The following MS4A4E variants were observed in gnomAD, a reference collection of about 807,000 sequenced individuals.
MS4A4E encodes membrane spanning 4-domains A4E.
A neutral mutation model predicts 13.3 loss-of-function variants in MS4A4E; 23 were observed. The ratio of observed to expected loss-of-function variants is 1.73; its 90% CI spans 1.25 to 2.45. MS4A4E has a LOEUF of 2.45. MS4A4E is among the 30% of genes most tolerant of loss of function. The probability of loss-of-function intolerance (pLI) is 0.00; values close to 1 mark genes in which losing one functional copy is unlikely to be tolerated. For missense variants in MS4A4E, 144 were observed against 131.2 expected (o/e 1.10, Z -0.48); for synonymous variants, 36 against 45.6 (o/e 0.79, Z 0.85).
chr11:60,216,766 A>C (rs2084200039), intron 3 of MS4A4E, among the ~76,000 whole-genome samples: 1 of 152,116 alleles, frequency 6.6e-6, no homozygotes, highest in Non-Finnish European at 1.5e-5. Context: ...GTGTTGACAA[A>C]GGAGATTAAC....
At chr11:60,224,390 ATC>A (rs1040989665) in intron 3 of MS4A4E, among the ~76,000 whole-genome samples, 1 of 152,198 alleles carries the variant, frequency 6.6e-6, no homozygotes, top group Admixed American at 6.5e-5. Flanking sequence ...TACCAGCCAC[ATC>A]TCTTTTTCCT....
chr11:60,218,468 C>T (rs927862151), intron 3 of MS4A4E, among the ~76,000 whole-genome samples: 8 of 152,138 alleles, frequency 5.3e-5, no homozygotes, highest in East Asian at 1.9e-4. Flanking sequence ...TGGGGTGTCA[C>T]GGAACCTATC....
intron 5 of MS4A4E, among the ~76,000 whole-genome samples, chr11:60,212,376 C>T (rs1389496416): frequency 6.7e-6 from 1 of 148,558 alleles, no homozygotes; most frequent in Non-Finnish European, 1.5e-5. Flanking sequence ...GTGGCACTAT[C>T]TCGGCTCACT....
intron 2 of MS4A4E, among the ~76,000 whole-genome samples, chr11:60,229,048 G>T (rs2084376577): frequency 6.6e-6 from 1 of 152,206 alleles, no homozygotes; most frequent in Non-Finnish European, 1.5e-5. Context: ...GAGTAATGAT[G>T]TGTCAACATA....
chr11:60,235,295 G>A (rs2134970630), intron 1 of MS4A4E, among the ~76,000 whole-genome samples: 1 of 152,284 alleles, frequency 6.6e-6, no homozygotes, highest in South Asian at 2.1e-4. Context: ...GTTTTGCCAT[G>A]TTGCCCAGGC....
chr11:60,233,670 G>A (rs971346471), intron 1 of MS4A4E, among the ~76,000 whole-genome samples: 2 of 152,224 alleles, frequency 1.3e-5, no homozygotes, highest in African/African-American at 2.4e-5. Context: ...GTAGGGGCAT[G>A]GCTTTCTCCA....
chr11:60,205,352 G>T (rs1225551966), intron 7 of MS4A4E, among the ~76,000 whole-genome samples: 1 of 152,034 alleles, frequency 6.6e-6, no homozygotes, highest in Admixed American at 6.6e-5. Context: ...CTTATTCACC[G>T]CTATTTTCTT....
chr11:60,207,983 G>T (rs186976384), intron 6 of MS4A4E, among the ~76,000 whole-genome samples: 8 of 152,228 alleles, frequency 5.3e-5, no homozygotes, highest in Non-Finnish European at 1.0e-4. Flanking sequence ...GTACTTTTGG[G>T]GACCTCTTCA....
At chr11:60,214,007 C>G (rs1252532048) in intron 4 of MS4A4E, among the ~76,000 whole-genome samples, 1 of 151,962 alleles carries the variant, frequency 6.6e-6, no homozygotes, top group Non-Finnish European at 1.5e-5. Context: ...AGGGTTCAAG[C>G]AATTCTCCTG....
At chr11:60,229,588 C>A (rs1481041060) in intron 2 of MS4A4E, among the ~76,000 whole-genome samples, 2 of 152,108 alleles carry the variant, frequency 1.3e-5, no homozygotes, top group African/African-American at 4.8e-5. Flanking sequence ...TCAGGAAGGC[C>A]TGTGGAGGGG....
chr11:60,221,394 C>T (rs992763681), intron 3 of MS4A4E, among the ~76,000 whole-genome samples: 7 of 152,194 alleles, frequency 4.6e-5, no homozygotes, highest in Non-Finnish European at 8.8e-5. Flanking sequence ...ATTCCTGCCA[C>T]ACTGCCTTCT....
rs2083972332 is a variant in MS4A4E at position 60,200,337 on chromosome 11, G to C, written c.*1206C>G. On this transcript the variant is annotated 3_prime_UTR_variant, in exon 9 of 9. Coordinates refer to ENST00000651255, the MANE Select transcript of MS4A4E (RefSeq NM_001393391.1). Reference sequence around the variant, plus strand: ...TGACCATTCTTGGGTGTTTCTCACAGAGGGGGATTTGGCAGGGTCATAGGA... The same window carrying C: ...TGACCATTCTTGGGTGTTTCTCACACAGGGGGATTTGGCAGGGTCATAGGA... Among the ~76,000 whole-genome samples the C allele has an allele frequency of 1.3e-5, 2 of 151,866 alleles. No homozygotes were observed. The highest frequency in any genetic ancestry group is 4.8e-5 in the African/African-American group (2 of 41,352).
At chr11:60,236,447 C>A (rs557519500) in intron 1 of MS4A4E, among the ~76,000 whole-genome samples, 2 of 151,604 alleles carry the variant, frequency 1.3e-5, no homozygotes, top group African/African-American at 2.4e-5. Context: ...AGTTTTTTTT[C>A]ATTTGTTTAA....
chr11:60,214,760 C>A, intron 3 of MS4A4E, 146 bp from the exon 4 acceptor site: 1 of 443,750 alleles, frequency 2.3e-6, no homozygotes, highest in East Asian at 3.6e-5. Context: ...AGAGATTGCA[C>A]ATAATTTTCT....
intron 1 of MS4A4E, among the ~76,000 whole-genome samples, chr11:60,230,746 CT>C (rs1389873703): frequency 6.6e-6 from 1 of 152,148 alleles, no homozygotes; most frequent in African/African-American, 2.4e-5. Flanking sequence ...ACTTTTATGC[CT>C]CTGTCTCTCC....
At chr11:60,232,869 C>T (rs1167019494) in intron 1 of MS4A4E, among the ~76,000 whole-genome samples, 3 of 152,178 alleles carry the variant, frequency 2.0e-5, no homozygotes, top group African/African-American at 4.8e-5. Context: ...CTACTCTCTA[C>T]TCCCTGAGGC....
intron 3 of MS4A4E, among the ~76,000 whole-genome samples, chr11:60,221,239 T>C (rs2084266669): frequency 1.0e-5 from 1 of 96,458 alleles, no homozygotes; most frequent in Non-Finnish European, 2.2e-5. Context: ...AATTGAGTGC[T>C]TTCTGACTTG....
intron 5 of MS4A4E, among the ~76,000 whole-genome samples, chr11:60,209,628 T>A (rs185059732): frequency 3.6e-4 from 55 of 152,352 alleles, no homozygotes; most frequent in East Asian, 2.1e-3. Context: ...ATCACGTAGG[T>A]CAGTCTTTAA....
chr11:60,217,036 A>C (rs939750124), intron 3 of MS4A4E, among the ~76,000 whole-genome samples: 1 of 152,126 alleles, frequency 6.6e-6, no homozygotes, highest in African/African-American at 2.4e-5. Context: ...AGAAAAACAG[A>C]ATATTAAGGA....
Sources: gnomAD v4.1 joint callset for allele counts (sites outside exome capture counted in the v4.1 genomes callset) on GRCh38, gnomAD v4.1.1 for gene constraint, MANE v1.5 for transcripts, NCBI Gene and HGNC (gene_info 2026-07-23, HGNC 2026-07-21) for gene names.